Variants in BTBD9 observed in about 807,000 individuals in gnomAD.
The protein encoded by BTBD9 is BTB domain containing 9.
In BTBD9, 49 loss-of-function variants were observed where a neutral mutation model predicts 64.3. The ratio of observed to expected loss-of-function variants is 0.76; its 90% confidence interval spans 0.61 to 0.97. BTBD9 has a LOEUF of 0.97. Among genes scored for constraint, BTBD9 ranks in the 50% least tolerant of loss-of-function variants. The probability of loss-of-function intolerance (pLI) is 0.00; values close to 1 mark genes in which losing one functional copy is unlikely to be tolerated. For synonymous variants in BTBD9, 260 were observed against 274.7 expected, an observed-to-expected ratio of 0.95 and a Z score of 0.53; for missense variants, 598 against 762.1, an observed-to-expected ratio of 0.78 and a Z score of 2.53.
At chr6:38,562,907 T>G (rs527675521) in intron 6 of BTBD9, among the ~76,000 whole-genome samples, 1 of 152,274 alleles carries the variant, frequency 6.6e-6, no homozygotes, top group South Asian at 2.1e-4. Flanking sequence ...TTTAACCCAC[T>G]CTAATCTGAC....
chr6:38,342,140 A>G (rs976475635), intron 7 of BTBD9, among the ~76,000 whole-genome samples: 1 of 152,176 alleles, frequency 6.6e-6, no homozygotes, highest in South Asian at 2.1e-4. Flanking sequence ...AAATATTATA[A>G]AAGTGATTTT....
intron 9 of BTBD9, among the ~76,000 whole-genome samples, chr6:38,250,112 A>G (rs1034786297): frequency 6.6e-6 from 1 of 152,242 alleles, no homozygotes; most frequent in Non-Finnish European, 1.5e-5. Context: ...GAACAGGTCT[A>G]GAAAAGTAAC....
intron 6 of BTBD9, among the ~76,000 whole-genome samples, chr6:38,501,490 A>T (rs1372176369): frequency 6.6e-6 from 1 of 152,184 alleles, no homozygotes; most frequent in Admixed American, 6.5e-5. Context: ...TTGATCATAG[A>T]TGTGAGTACA....
intron 1 of BTBD9, among the ~76,000 whole-genome samples, chr6:38,630,262 G>T (rs1409464932): frequency 2.6e-5 from 4 of 151,706 alleles, no homozygotes; most frequent in African/African-American, 9.7e-5. Context: ...CCACATGGCT[G>T]GTTTTTTGTT....
intron 6 of BTBD9, among the ~76,000 whole-genome samples, chr6:38,526,286 T>C (rs4392718): frequency 0.31 from 46,981 of 152,114 alleles, 8,577 homozygotes; most frequent in East Asian, 0.46. Flanking sequence ...GGCTTCTAAG[T>C]GGTATTAAGC....
chr6:38,291,743 G>A (rs1462280610), intron 7 of BTBD9, among the ~76,000 whole-genome samples: 1 of 152,134 alleles, frequency 6.6e-6, no homozygotes, highest in Non-Finnish European at 1.5e-5. Context: ...TGCGTCTATT[G>A]AGATAATCAT....
At chr6:38,421,839 A>T (rs1476376632) in intron 6 of BTBD9, among the ~76,000 whole-genome samples, 2 of 152,224 alleles carry the variant, frequency 1.3e-5, no homozygotes, top group Non-Finnish European at 2.9e-5. Flanking sequence ...GAAATAAAGA[A>T]AGAAAAGTAA....
intron 6 of BTBD9, among the ~76,000 whole-genome samples, chr6:38,517,437 C>T (rs1294377244): frequency 6.6e-6 from 1 of 152,164 alleles, no homozygotes; most frequent in Non-Finnish European, 1.5e-5. Context: ...GCCTCCCCCA[C>T]CCGCTGCCTG....
chr6:38,293,833 A>G (rs1190936553), intron 7 of BTBD9, among the ~76,000 whole-genome samples: 3 of 152,256 alleles, frequency 2.0e-5, no homozygotes, highest in African/African-American at 7.2e-5. Context: ...ATCTAATTGA[A>G]CTAAAGAGCT....
intron 6 of BTBD9, among the ~76,000 whole-genome samples, chr6:38,467,579 T>A (rs1770453749): frequency 6.6e-6 from 1 of 152,182 alleles, no homozygotes; most frequent in Non-Finnish European, 1.5e-5. Context: ...TTGTACAGCA[T>A]CAACTGAGAA....
chr6:38,467,367 T>C (rs553467397), intron 6 of BTBD9, among the ~76,000 whole-genome samples: 18 of 152,362 alleles, frequency 1.2e-4, no homozygotes, highest in African/African-American at 3.8e-4. Context: ...TCTGAATTTG[T>C]GTTCTGTTAG....
rs201575764 is a variant in BTBD9 at position 38,372,985 on chromosome 6, TG to T, written c.1155-27893del. ...CTGCAAGCATGCATTTCCTTTTTTA[TG>T]GGGGAGGAAGAGAGTGAGGTCCTTT... On this transcript the variant is annotated intron_variant, in intron 6 of 10. Transcript: ENST00000481247. Among the ~76,000 whole-genome samples, 994 of 152,286 alleles carry T rather than the reference TG, an allele frequency of 6.5e-3. 7 individuals carry two copies. Among genetic ancestry groups the T allele is most frequent in the African/African-American group, 0.023 (941 of 41,546 alleles).
intron 6 of BTBD9, among the ~76,000 whole-genome samples, chr6:38,456,484 T>C (rs1049738198): frequency 8.5e-5 from 13 of 152,228 alleles, no homozygotes; most frequent in Middle Eastern, 3.2e-3. Flanking sequence ...ATGATCCCCA[T>C]CCTGACAGGA....
chr6:38,363,237 C>T (rs1582297023), intron 6 of BTBD9, among the ~76,000 whole-genome samples: 1 of 152,246 alleles, frequency 6.6e-6, no homozygotes, highest in East Asian at 1.9e-4. Context: ...TACAGGTATG[C>T]ACCACTGCAC....
At chr6:38,275,138 T>A (rs1410397044) in intron 8 of BTBD9, among the ~76,000 whole-genome samples, 2 of 151,940 alleles carry the variant, frequency 1.3e-5, no homozygotes, top group Non-Finnish European at 2.9e-5. Flanking sequence ...TGGTACTGGT[T>A]CCAAAACAGA....
At chr6:38,457,955 T>TA (rs1295248454) in intron 6 of BTBD9, among the ~76,000 whole-genome samples, 2 of 152,240 alleles carry the variant, frequency 1.3e-5, no homozygotes, top group East Asian at 3.9e-4. Flanking sequence ...ACAGGCATGA[T>TA]ATGTAAGGGA....
chr6:38,588,309 T>C, intron 4 of BTBD9: 2 of 1,051,686 alleles, frequency 1.9e-6, no homozygotes, highest in South Asian at 1.2e-5. Context: ...GCAATTATCC[T>C]GCACAAATTT....
intron 7 of BTBD9, among the ~76,000 whole-genome samples, chr6:38,290,192 A>AT (rs2127556636): frequency 6.7e-6 from 1 of 150,324 alleles, no homozygotes; most frequent in South Asian, 2.2e-4. Context: ...GAGAGGATGA[A>AT]TTTTTCTGGT....
intron 8 of BTBD9, among the ~76,000 whole-genome samples, chr6:38,284,632 G>C (rs550439987): frequency 2.6e-5 from 4 of 152,262 alleles, no homozygotes; most frequent in Admixed American, 2.6e-4. Context: ...AGTATTCTGA[G>C]TTGCCACAGG....
Sources: allele counts gnomAD v4.1 joint callset (sites outside exome capture counted in the v4.1 genomes callset), GRCh38; gene constraint gnomAD v4.1.1; transcripts MANE v1.5; gene names NCBI Gene and HGNC (gene_info 2026-07-23, HGNC 2026-07-21).